The following NMBR variants were observed in gnomAD, a reference collection of about 807,000 sequenced individuals.
NMBR encodes the protein neuromedin B receptor.
Under a neutral mutation model 20.5 loss-of-function variants are expected in NMBR, and 16 were observed. The observed-to-expected ratio is 0.78, with a 90% CI of 0.53 to 1.19. NMBR has a LOEUF of 1.19. Among genes scored for constraint, NMBR ranks in the 50% most tolerant of loss-of-function variants. The probability of loss-of-function intolerance (pLI) is 0.00; values close to 1 mark genes in which losing one functional copy is unlikely to be tolerated. For missense variants in NMBR, 582 were observed against 499.1 expected (o/e 1.17, Z -1.58); for synonymous variants, 212 against 196.6 (o/e 1.08, Z -0.65).
intron 1 of NMBR, among the ~76,000 whole-genome samples, chr6:142,092,633 A>C (rs968075677): frequency 5.3e-5 from 8 of 152,146 alleles, no homozygotes; most frequent in Non-Finnish European, 1.2e-4. Flanking sequence ...GTGATCCCTA[A>C]GACAGGTTTA....
chr6:142,086,399 T>G, intron 2 of NMBR, among the ~76,000 whole-genome samples: 1 of 152,262 alleles, frequency 6.6e-6, no homozygotes, highest in Non-Finnish European at 1.5e-5. Context: ...TGAGATATAG[T>G]AAGAAGTCAT....
chr6:142,107,891 T>A (rs1010083490), intron 1 of NMBR, among the ~76,000 whole-genome samples: 1 of 152,014 alleles, frequency 6.6e-6, no homozygotes, highest in Admixed American at 6.6e-5. Context: ...AAAGTTATTT[T>A]AAAAAACAAA....
At chr6:142,126,245 A>T (rs1015018505) in intron 1 of NMBR, among the ~76,000 whole-genome samples, 4 of 109,212 alleles carry the variant, frequency 3.7e-5, no homozygotes, top group African/African-American at 1.3e-4. Flanking sequence ...GGGCTTAACA[A>T]TATTCCTCTC....
chr6:142,123,732 A>T (rs775305200), intron 1 of NMBR, among the ~76,000 whole-genome samples: 97 of 151,924 alleles, frequency 6.4e-4, no homozygotes, highest in Non-Finnish European at 1.1e-3. Flanking sequence ...TTTAAACAAT[A>T]AACCATTCAA....
chr6:142,126,104 T>C (rs1400751413), intron 1 of NMBR, among the ~76,000 whole-genome samples: 1 of 151,948 alleles, frequency 6.6e-6, no homozygotes, highest in Non-Finnish European at 1.5e-5. Context: ...TCTATGAATT[T>C]GACTATTTTA....
chr6:142,077,505 C>G (rs1271269893), intron 3 of NMBR, among the ~76,000 whole-genome samples: 1 of 152,110 alleles, frequency 6.6e-6, no homozygotes. Flanking sequence ...TCACTGATGC[C>G]AAATATTTAG....
At chr6:142,098,163 A>G (rs909051670) in intron 1 of NMBR, among the ~76,000 whole-genome samples, 5 of 152,162 alleles carry the variant, frequency 3.3e-5, no homozygotes, top group Non-Finnish European at 7.4e-5. Context: ...ATAGTTAATG[A>G]AAGCTAAACC....
intron 1 of NMBR, among the ~76,000 whole-genome samples, chr6:142,098,192 C>T (rs949117609): frequency 2.6e-5 from 4 of 152,014 alleles, no homozygotes; most frequent in Non-Finnish European, 4.4e-5. Context: ...CCAAGAGGCT[C>T]AGCAAACCCC....
chr6:142,109,316 C>A (rs554156754), intron 1 of NMBR, among the ~76,000 whole-genome samples: 1 of 152,198 alleles, frequency 6.6e-6, no homozygotes, highest in South Asian at 2.1e-4. Flanking sequence ...CCATGGTGAG[C>A]ACCTGCAAAA....
At chr6:142,113,013 A>C (rs1777792584) in intron 1 of NMBR, among the ~76,000 whole-genome samples, 1 of 152,110 alleles carries the variant, frequency 6.6e-6, no homozygotes, top group African/African-American at 2.4e-5. Context: ...AACATTAAAA[A>C]ATGTAAAAGC....
At chr6:142,112,994 G>A (rs1458753612) in intron 1 of NMBR, among the ~76,000 whole-genome samples, 1 of 151,730 alleles carries the variant, frequency 6.6e-6, no homozygotes, top group East Asian at 1.9e-4. Context: ...AAATCCTTGG[G>A]AACCACAAAA....
intron 2 of NMBR, among the ~76,000 whole-genome samples, chr6:142,085,912 T>C (rs770237133): frequency 6.6e-6 from 1 of 152,166 alleles, no homozygotes; most frequent in African/African-American, 2.4e-5. Context: ...ATAGTTTTTA[T>C]TGCTGCAACT....
chr6:142,133,062 C>A (rs1454828684), intron 1 of NMBR: 2 of 563,666 alleles, frequency 3.5e-6, no homozygotes, highest in Non-Finnish European at 6.4e-6. Context: ...CTGTAAGAGT[C>A]CTGAGAGAAT....
chr6:142,090,927 T>A (rs1335415066), intron 1 of NMBR, among the ~76,000 whole-genome samples: 1 of 152,068 alleles, frequency 6.6e-6, no homozygotes, highest in Admixed American at 6.6e-5. Flanking sequence ...AAATGTTTAG[T>A]CTAAAAGCTG....
At chr6:142,084,179 G>A (rs1777156718) in intron 2 of NMBR, among the ~76,000 whole-genome samples, 1 of 152,192 alleles carries the variant, frequency 6.6e-6, no homozygotes, top group African/African-American at 2.4e-5. Flanking sequence ...GTGAGTGTTA[G>A]ACCCAGGGCC....
At chr6:142,108,945 C>A (rs759382094) in intron 1 of NMBR, among the ~76,000 whole-genome samples, 1 of 152,072 alleles carries the variant, frequency 6.6e-6, no homozygotes, top group African/African-American at 2.4e-5. Context: ...ATGAGAGTAC[C>A]GGCATTGGAT....
chr6:142,094,521 G>C (rs1172168811), intron 1 of NMBR, among the ~76,000 whole-genome samples: 2 of 151,996 alleles, frequency 1.3e-5, no homozygotes, highest in Non-Finnish European at 2.9e-5. Context: ...TCTCTGTTTT[G>C]GTACCAGTAC....
rs373070325 is a variant in NMBR, at chr6:142,088,369, A to T, written c.290T>A (p.Val97Asp). ...GAAGTAGCGCGAGGCGTCCACCGGG[A>T]CGCAGGTGAGCAGCAGCAGCAAGTC... ...AGDLLLLLTC[V>D]PVDASRYFFD... The change falls in exon 2 of 4, where the codon GTC (valine) becomes GAC (aspartate). Residue 97 changes from valine (V) to aspartate (D), a missense_variant. Val to Asp is a radical substitution (Grantham distance 152, BLOSUM62 -3). Coordinates refer to ENST00000258042, the MANE Select transcript of NMBR (RefSeq NM_002511.4). 258 of 1,614,006 alleles carry T rather than the reference A, an allele frequency of 1.6e-4. 1 individual carries two copies. The highest frequency in any genetic ancestry group is 4.8e-4 in the South Asian group (44 of 91,080).
In NMBR at chr6:142,078,847, GT is replaced by G; in HGVS notation, c.478del (p.Thr160ProfsTer3). 1 of 1,613,764 alleles carries G rather than the reference GT, an allele frequency of 6.2e-7. No homozygotes were observed. Among genetic ancestry groups the G allele is most frequent in the South Asian group, 1.1e-5 (1 of 91,048 alleles). On this transcript the variant is annotated frameshift_variant, in exon 3 of 4. Coordinates refer to ENST00000258042, the MANE Select transcript of NMBR (RefSeq NM_002511.4). LOFTEE classifies it high-confidence loss of function. ...CCAGATACCCATGGCCTTCACACAGGTCCGCAGCAATGCCCCTGACGTCTGC... is the reference window on the plus strand; with the variant it reads ...CCAGATACCCATGGCCTTCACACAGGCCGCAGCAATGCCCCTGACGTCTGC... ...DMQTSGALLR[T>X]CVKAMGIWVV...
Sources: gnomAD v4.1 joint callset for allele counts (sites outside exome capture counted in the v4.1 genomes callset) on GRCh38, gnomAD v4.1.1 for gene constraint, MANE v1.5 for transcripts, NCBI Gene and HGNC (gene_info 2026-07-23, HGNC 2026-07-21) for gene names.